The following MAGI3 variants were observed in gnomAD, a reference collection of about 807,000 sequenced individuals.
The protein encoded by MAGI3 is membrane associated guanylate kinase, WW and PDZ domain containing 3, also known as membrane-associated guanylate kinase, WW and PDZ domain-containing protein 3.
In MAGI3, 43 loss-of-function variants were observed where a neutral mutation model predicts 121.8. The ratio of observed to expected loss-of-function variants is 0.35; its 90% CI spans 0.28 to 0.46. The LOEUF is 0.46. Ranked by LOEUF, MAGI3 falls within the 20% of genes least tolerant of loss-of-function variation. The probability of loss-of-function intolerance (pLI) is 1.00; values close to 1 mark genes in which losing one functional copy is unlikely to be tolerated. For missense variants in MAGI3, 1,547 were observed against 1,797.3 expected (o/e 0.86, Z 2.52); for synonymous variants, 553 against 639.3 (o/e 0.86, Z 2.04).
intron 1 of MAGI3, among the ~76,000 whole-genome samples, chr1:113,515,545 T>G (rs1657855591): frequency 6.6e-6 from 1 of 152,158 alleles, no homozygotes; most frequent in East Asian, 1.9e-4. Context: ...ATTATCTCAT[T>G]TAATCCTTAA....
At chr1:113,424,727 G>A (rs778461630) in intron 1 of MAGI3, among the ~76,000 whole-genome samples, 8 of 152,254 alleles carry the variant, frequency 5.3e-5, no homozygotes, top group Non-Finnish European at 1.0e-4. Flanking sequence ...AATAAAGCTG[G>A]TATGAGCATT....
At chr1:113,579,519 C>T (rs559213291) in intron 2 of MAGI3, among the ~76,000 whole-genome samples, 1 of 152,170 alleles carries the variant, frequency 6.6e-6, no homozygotes, top group Non-Finnish European at 1.5e-5. Flanking sequence ...GATTTTATGC[C>T]AAGGATCATG....
chr1:113,436,968 C>A (rs1384973253), intron 1 of MAGI3, among the ~76,000 whole-genome samples: 2 of 152,012 alleles, frequency 1.3e-5, no homozygotes, highest in South Asian at 4.2e-4. Flanking sequence ...GCGTGTGCCA[C>A]CACGTCCAGC....
intron 19 of MAGI3, among the ~76,000 whole-genome samples, chr1:113,675,592 C>T (rs550548846): frequency 6.6e-6 from 1 of 152,274 alleles, no homozygotes; most frequent in South Asian, 2.1e-4. Flanking sequence ...ATGATTGAAA[C>T]CTTTGTGGTA....
At chr1:113,623,439 T>C (rs1650975058) in intron 9 of MAGI3, among the ~76,000 whole-genome samples, 1 of 102,224 alleles carries the variant, frequency 9.8e-6, no homozygotes, top group African/African-American at 4.4e-5. Flanking sequence ...AATACACATA[T>C]ATATACACAC....
intron 1 of MAGI3, among the ~76,000 whole-genome samples, chr1:113,509,468 C>G (rs1657509678): frequency 1.5e-5 from 2 of 135,336 alleles, no homozygotes; most frequent in African/African-American, 2.7e-5. Flanking sequence ...TAATGAAATA[C>G]TAATTTTAAA....
chr1:113,549,312 C>A (rs978878202), intron 1 of MAGI3, among the ~76,000 whole-genome samples: 2 of 152,124 alleles, frequency 1.3e-5, no homozygotes, highest in Non-Finnish European at 2.9e-5. Flanking sequence ...AAATTATTCC[C>A]ACATTATATT....
At chr1:113,403,971 A>G (rs979329228) in intron 1 of MAGI3, 1 of 151,434 alleles carries the variant, frequency 6.6e-6, no homozygotes, top group Non-Finnish European at 1.5e-5. Context: ...CCCATTCTTG[A>G]TGGCTCATTG....
chr1:113,511,492 T>A (rs1657612832), intron 1 of MAGI3, among the ~76,000 whole-genome samples: 1 of 152,212 alleles, frequency 6.6e-6, no homozygotes, highest in Non-Finnish European at 1.5e-5. Flanking sequence ...GTGCCACTCA[T>A]ACCTGGTGTG....
chr1:113,537,042 A>C (rs1397335442), intron 1 of MAGI3, among the ~76,000 whole-genome samples: 1 of 152,148 alleles, frequency 6.6e-6, no homozygotes, highest in Non-Finnish European at 1.5e-5. Flanking sequence ...AAAGCCCATT[A>C]GTGCTATTTC....
intron 1 of MAGI3, among the ~76,000 whole-genome samples, chr1:113,509,067 G>GT (rs1657482423): frequency 1.3e-5 from 2 of 152,054 alleles, no homozygotes; most frequent in South Asian, 4.1e-4. Flanking sequence ...AGAATTTACT[G>GT]TTAATATTGT....
rs1648381325 is a variant in MAGI3, at chr1:113,683,897, G to T, written c.4329G>T (p.Arg1443Ser). 6.2e-7 allele frequency: 1 copy of T among 1,612,096 alleles called. No homozygotes were observed. Among genetic ancestry groups the T allele is most frequent in the Non-Finnish European group, 8.5e-7 (1 of 1,179,116 alleles). ...CTGACAAAAACAAAGAGACTGGAAGGTTCAAACCGGAAAGCAGTTCTCCAG... is the reference window on the plus strand; with the variant it reads ...CTGACAAAAACAAAGAGACTGGAAGTTTCAAACCGGAAAGCAGTTCTCCAG... ...EAADKNKETGRFKPESSSPVK... is the reference protein window; with the variant it reads ...EAADKNKETGSFKPESSSPVK... Residue 1443 changes from arginine to serine, a missense_variant, in exon 21 of 21, where the codon AGG becomes AGT. Physicochemically the swap from Arg to Ser is moderately radical, Grantham distance 110. Transcript: ENST00000307546.
chr1:113,559,109 C>A (rs1447331875), intron 2 of MAGI3, among the ~76,000 whole-genome samples: 1 of 152,188 alleles, frequency 6.6e-6, no homozygotes, highest in Non-Finnish European at 1.5e-5. Flanking sequence ...CACTGTGGTG[C>A]ACAGACCAGT....
At chr1:113,534,575 A>G (rs1658877896) in intron 1 of MAGI3, among the ~76,000 whole-genome samples, 1 of 152,084 alleles carries the variant, frequency 6.6e-6, no homozygotes, top group African/African-American at 2.4e-5. Context: ...ACATACTCCT[A>G]TGTACCTTGT....
At chr1:113,541,896 C>A (rs1009478906) in intron 1 of MAGI3, among the ~76,000 whole-genome samples, 3 of 152,208 alleles carry the variant, frequency 2.0e-5, no homozygotes, top group Non-Finnish European at 4.4e-5. Flanking sequence ...GGATTTCTCT[C>A]AGTTCCTCTA....
chr1:113,450,634 G>A lies in MAGI3; in HGVS notation c.316+59285G>A, dbSNP rs1654436459. On this transcript the variant is annotated intron_variant, in intron 1 of 20. Coordinates refer to ENST00000307546, the MANE Select transcript of MAGI3 (RefSeq NM_001142782.2). Reference sequence around the variant, plus strand: ...AACAGCAATCAAATTATGGACCCGTGAAAGGGGACAGTTCTGGTGGAAGAA... The same window carrying A: ...AACAGCAATCAAATTATGGACCCGTAAAAGGGGACAGTTCTGGTGGAAGAA... 4.9e-6 allele frequency: 5 copies of A among 1,026,566 alleles called. No individual in the cohort carries two copies. The South Asian group carries it at 5.0e-5, about 10-fold the overall frequency. 63.6% of individuals were successfully genotyped at this position (1,026,566 alleles called of 1,614,324 possible).
At chr1:113,556,766 A>G (rs867949902) in intron 2 of MAGI3, among the ~76,000 whole-genome samples, 3 of 151,878 alleles carry the variant, frequency 2.0e-5, no homozygotes, top group African/African-American at 7.3e-5. Context: ...ACATCTTGCT[A>G]TGTTGCCTAG....
chr1:113,453,363 A>G (rs1225944516), intron 1 of MAGI3, among the ~76,000 whole-genome samples: 1 of 152,002 alleles, frequency 6.6e-6, no homozygotes, highest in Non-Finnish European at 1.5e-5. Flanking sequence ...ATGGAATCCT[A>G]CTCGATTTTT....
intron 1 of MAGI3, among the ~76,000 whole-genome samples, chr1:113,462,327 C>T (rs1411352510): frequency 6.6e-6 from 1 of 152,098 alleles, no homozygotes; most frequent in Non-Finnish European, 1.5e-5. Flanking sequence ...CCCTCAGTGA[C>T]AGATTGGATA....
Sources: gnomAD v4.1 joint callset for allele counts (sites outside exome capture counted in the v4.1 genomes callset) on GRCh38, gnomAD v4.1.1 for gene constraint, MANE v1.5 for transcripts, NCBI Gene and HGNC (gene_info 2026-07-23, HGNC 2026-07-21) for gene names.